The following CASZ1 variants were observed in gnomAD, a reference collection of about 807,000 sequenced individuals.
CASZ1 encodes castor zinc finger 1, also known as zinc finger protein castor homolog 1.
In CASZ1, 28 loss-of-function variants were observed where a neutral mutation model predicts 135.2. That is an observed-to-expected ratio of 0.21 (90% confidence interval 0.15 to 0.28). The LOEUF is 0.28. CASZ1 is among the 10% of genes least tolerant of loss of function. The probability of loss-of-function intolerance (pLI) is 1.00; values close to 1 mark genes in which losing one functional copy is unlikely to be tolerated. For synonymous variants in CASZ1, 1,068 were observed against 1,073.4 expected, an observed-to-expected ratio of 0.99 and a Z score of 0.10; for missense variants, 2,161 against 2,453.3, an observed-to-expected ratio of 0.88 and a Z score of 2.52.
rs1029866061 is a variant in CASZ1, at chr1:10,655,829, G to T, written c.1501-16C>A. The T allele has an allele frequency of 5.0e-6, 8 of 1,610,548 alleles. No individual in the cohort carries two copies. The highest frequency in any genetic ancestry group is 4.0e-5 in the African/African-American group (3 of 74,874). ...TCGTGAACCTCTGCCAGGAGACAGC[G>T]CCACGTGGGCAGGAGCCTGAGCTCC... On this transcript the variant is annotated splice_polypyrimidine_tract_variant and intron_variant, in intron 8 of 20. Coordinates refer to ENST00000377022, the MANE Select transcript of CASZ1 (RefSeq NM_001079843.3).
chr1:10,743,798 C>T (rs1272640368), intron 2 of CASZ1, among the ~76,000 whole-genome samples: 1 of 129,744 alleles, frequency 7.7e-6, no homozygotes, highest in Non-Finnish European at 1.6e-5. Context: ...TGGGAGATGT[C>T]TTTTAGGTAC....
At position 10,697,372 on chromosome 1, in the gene CASZ1, T is replaced by C. The variant is rs1486246190; in HGVS notation, c.-23-3460A>G. ...CAAAGCCAGGCCACAGTGAGGACCTTCATGCCCGGGACTCAAGGGATGGAA... is the reference window on the plus strand; with the variant it reads ...CAAAGCCAGGCCACAGTGAGGACCTCCATGCCCGGGACTCAAGGGATGGAA... On this transcript the variant is annotated intron_variant, in intron 3 of 20. Transcript: ENST00000377022. The surrounding 1 kb of genome is among the most constrained non-coding windows in gnomAD (Gnocchi z 4.7). Among the ~76,000 whole-genome samples the C allele has an allele frequency of 6.6e-6, 1 of 152,092 alleles. No individual in the cohort carries two copies. Among genetic ancestry groups the C allele is most frequent in the Non-Finnish European group, 1.5e-5 (1 of 68,022 alleles).
Position 10,720,330 on chromosome 1 carries a change from A to C in CASZ1, c.-76-14786T>G, listed in dbSNP as rs779290381. Among the ~76,000 whole-genome samples the C allele has an allele frequency of 6.6e-6, 1 of 152,226 alleles. No individual in the cohort carries two copies. The highest frequency in any genetic ancestry group is 2.1e-4 in the South Asian group (1 of 4,828). On this transcript the variant is annotated intron_variant, in intron 2 of 20. Coordinates refer to ENST00000377022, the MANE Select transcript of CASZ1 (RefSeq NM_001079843.3). The surrounding 1 kb of genome is among the most constrained non-coding windows in gnomAD (Gnocchi z 5.7). ...GTCATCATCATCGCCATCGCTAAACACTTCTCTAACCAGGATATGGTAACT... is the reference window on the plus strand; with the variant it reads ...GTCATCATCATCGCCATCGCTAAACCCTTCTCTAACCAGGATATGGTAACT...
intron 1 of CASZ1, among the ~76,000 whole-genome samples, chr1:10,764,853 T>C (rs1224597466): frequency 3.3e-5 from 5 of 152,120 alleles, no homozygotes; most frequent in Non-Finnish European, 1.5e-5. Flanking sequence ...CCCATGGTAA[T>C]ACCCGGCGAG....
chr1:10,759,264 G>A lies in CASZ1; in HGVS notation c.-77+1437C>T, dbSNP rs1341377174. Among the ~76,000 whole-genome samples, 1 of 152,142 alleles carries A rather than the reference G, an allele frequency of 6.6e-6. No homozygotes were observed. Among genetic ancestry groups the A allele is most frequent in the African/African-American group, 2.4e-5 (1 of 41,422 alleles). ...CCAGGATTCATGATCATCAGAGGAAGCAGAGTCTGTTAAGAATAGCCCGGG... is the reference window on the plus strand; with the variant it reads ...CCAGGATTCATGATCATCAGAGGAAACAGAGTCTGTTAAGAATAGCCCGGG... On this transcript the variant is annotated intron_variant, in intron 2 of 20. Coordinates refer to ENST00000377022, the MANE Select transcript of CASZ1 (RefSeq NM_001079843.3). This position sits in a 1 kb window ranked among gnomAD's most constrained non-coding sequence, Gnocchi z 4.2.
rs137971009 is a variant in CASZ1, at chr1:10,777,913, G to A, written c.-233-17056C>T. ...ATTTCACACAAAATCTCACACACAG[G>A]CACACACAGTCTTCCACACCATTTC... On this transcript the variant is annotated intron_variant, in intron 1 of 20. Coordinates refer to ENST00000377022, the MANE Select transcript of CASZ1 (RefSeq NM_001079843.3). The surrounding 1 kb of genome is among the most constrained non-coding windows in gnomAD (Gnocchi z 4.4). 8.5e-4 allele frequency among the ~76,000 whole-genome samples: 127 copies of A among 149,648 alleles called. No individual in the cohort carries two copies. The highest frequency in any genetic ancestry group is 2.9e-3 in the African/African-American group (118 of 40,566).
In CASZ1 at chr1:10,735,912, TG is replaced by T. The variant is rs1278030285; in HGVS notation, c.-77+24788del. On this transcript the variant is annotated intron_variant, in intron 2 of 20. Coordinates refer to ENST00000377022, the MANE Select transcript of CASZ1 (RefSeq NM_001079843.3). This position sits in a 1 kb window ranked among gnomAD's most constrained non-coding sequence, Gnocchi z 5.1. The stretch of plus-strand genomic sequence containing the variant: ...GAAAATGTGCTTTTTCAGCCAGCTC[TG>T]GTCAAGTAGCTGCCCTGCGGACACC... Among the ~76,000 whole-genome samples, 2 of 152,144 alleles carry T rather than the reference TG, an allele frequency of 1.3e-5. No homozygotes were observed. The highest frequency in any genetic ancestry group is 2.9e-5 in the Non-Finnish European group (2 of 68,022).
rs757372016 is a variant in CASZ1 at position 10,643,145 on chromosome 1, G to T, written c.4020+15C>A. On this transcript the variant is annotated intron_variant, in intron 19 of 20. Coordinates refer to ENST00000377022, the MANE Select transcript of CASZ1 (RefSeq NM_001079843.3). ...CGCCACCCTGGCTGGGCTCTCACCT[G>T]GGGGGGGCTCTCACCTGGGAGGGGG... 4.4e-5 allele frequency: 71 copies of T among 1,598,864 alleles called. No homozygotes were observed. Among genetic ancestry groups the T allele is most frequent in the African/African-American group, 8.1e-5 (6 of 74,120 alleles).
chr1:10,673,449 A>G (rs1643470467), intron 4 of CASZ1, among the ~76,000 whole-genome samples: 1 of 151,832 alleles, frequency 6.6e-6, no homozygotes, highest in Non-Finnish European at 1.5e-5. Context: ...GTGTGTGTGC[A>G]CACACGCGCG....
chr1:10,784,878 T>C (rs1640827211), intron 1 of CASZ1, among the ~76,000 whole-genome samples: 1 of 152,142 alleles, frequency 6.6e-6, no homozygotes, highest in Non-Finnish European at 1.5e-5. Context: ...AAGAGTTATT[T>C]TGGAAATAGA....
intron 6 of CASZ1, among the ~76,000 whole-genome samples, 195 bp downstream of exon 6, chr1:10,659,507 A>T (rs1642932740): frequency 6.6e-6 from 1 of 152,102 alleles, no homozygotes; most frequent in Admixed American, 6.5e-5. Flanking sequence ...AGTGAATGTG[A>T]GTGCGGCGCG....
In CASZ1 at chr1:10,694,153, G is replaced by A. The variant is rs1638858800; in HGVS notation, c.-23-241C>T. The A allele has an allele frequency of 1.5e-5, 5 of 330,124 alleles. No homozygotes were observed. The highest frequency in any genetic ancestry group is 1.1e-4 in the African/African-American group (5 of 45,052). The allele number at this position is 330,124 out of a possible 1,614,324, so 20.4% of individuals were successfully genotyped here. On this transcript the variant is annotated intron_variant, in intron 3 of 20. Transcript: ENST00000377022. This position sits in a 1 kb window ranked among gnomAD's most constrained non-coding sequence, Gnocchi z 6.6. ...TCTCCAACTAAGGCAGCAACTCTCG[G>A]CCGGCGCGGCCCCGGCTTGGGGGCC... is the stretch of plus-strand genomic sequence containing the variant.
chr1:10,722,110 C>T (rs576224216), intron 2 of CASZ1, among the ~76,000 whole-genome samples: 2 of 152,240 alleles, frequency 1.3e-5, no homozygotes, highest in Admixed American at 6.5e-5. Context: ...CCCGCCCCTT[C>T]GCAACCTGCA....
intron 7 of CASZ1, among the ~76,000 whole-genome samples, 192 bp from the exon 8 acceptor site, chr1:10,656,928 C>G (rs969214153): frequency 6.6e-6 from 1 of 152,148 alleles, no homozygotes; most frequent in African/African-American, 2.4e-5. Flanking sequence ...GGCCTGGCCC[C>G]AAGAAAGGGG....
intron 2 of CASZ1, among the ~76,000 whole-genome samples, chr1:10,714,547 C>T (rs1389616940): frequency 6.6e-6 from 1 of 152,134 alleles, no homozygotes; most frequent in South Asian, 2.1e-4. Context: ...CTGACGGGCA[C>T]CCCCCGCCAC....
intron 2 of CASZ1, among the ~76,000 whole-genome samples, chr1:10,713,950 A>G (rs556279555): frequency 7.2e-5 from 11 of 152,306 alleles, no homozygotes; most frequent in Non-Finnish European, 1.5e-4. Flanking sequence ...TTCAAAGGAG[A>G]AGAAAATTCA....
At chr1:10,713,170 C>T (rs1639317755) in intron 2 of CASZ1, among the ~76,000 whole-genome samples, 1 of 152,234 alleles carries the variant, frequency 6.6e-6, no homozygotes, top group South Asian at 2.1e-4. Context: ...ATTATCCTAA[C>T]GAATCCTTCA....
intron 1 of CASZ1, among the ~76,000 whole-genome samples, chr1:10,773,365 G>T (rs948810974): frequency 3.3e-5 from 5 of 151,554 alleles, no homozygotes; most frequent in Admixed American, 6.6e-5. Context: ...AGACAGACGT[G>T]GGCAGAGACA....
At position 10,707,405 on chromosome 1, in the gene CASZ1, C is replaced by A. The variant is rs572676344; in HGVS notation, c.-76-1861G>T. 6.6e-6 allele frequency among the ~76,000 whole-genome samples: 1 copy of A among 152,218 alleles called. No homozygotes were observed. Among genetic ancestry groups the A allele is most frequent in the Non-Finnish European group, 1.5e-5 (1 of 68,048 alleles). ...AACAAGGGAGCGCGGGAGACCGGAG[C>A]GCTGAACCCAAATCCCTCAGCAGTT... is the stretch of plus-strand genomic sequence containing the variant. On this transcript the variant is annotated intron_variant, in intron 2 of 20. Transcript: ENST00000377022. The surrounding 1 kb of genome is among the most constrained non-coding windows in gnomAD (Gnocchi z 5.0).
Sources: allele counts gnomAD v4.1 joint callset (sites outside exome capture counted in the v4.1 genomes callset), GRCh38; gene constraint gnomAD v4.1.1; non-coding constraint Gnocchi (gnomAD v3.1); transcripts MANE v1.5; gene names NCBI Gene and HGNC (gene_info 2026-07-23, HGNC 2026-07-21).